The following GLIS3 variants were observed in gnomAD, a reference collection of about 807,000 sequenced individuals.
The protein encoded by GLIS3 is zinc finger protein GLIS3.
Under a neutral mutation model 78.6 loss-of-function variants are expected in GLIS3, and 53 were observed. That is an observed-to-expected ratio of 0.67 (90% CI 0.54 to 0.85). GLIS3 has a LOEUF of 0.85. Among genes scored for constraint, GLIS3 ranks in the 40% least tolerant of loss-of-function variants. The pLI is 0.00. For synonymous variants in GLIS3, 684 were observed against 509.9 expected, an observed-to-expected ratio of 1.34 and a Z score of -4.60; for missense variants, 1,703 against 1,231.1, an observed-to-expected ratio of 1.38 and a Z score of -5.74.
rs186030067 is a variant in GLIS3 at position 4,157,046 on chromosome 9, C to T, written c.389-31105G>A. 5.3e-5 allele frequency among the ~76,000 whole-genome samples: 8 copies of T among 152,300 alleles called. No individual in the cohort carries two copies. In the South Asian group the frequency reaches 6.2e-4, roughly 12 times the overall value. ...CTAACATCTGTCACAGTCCCTGTAA[C>T]GCTTCCATTAACATATATGATTACT... On this transcript the variant is annotated intron_variant, in intron 2 of 10. Transcript: ENST00000381971.
At chr9:4,457,003 G>C in the GLIS3 span, among the ~76,000 whole-genome samples, 2 of 152,086 alleles carry the variant, frequency 1.3e-5, no homozygotes, top group African/African-American at 4.8e-5. Flanking sequence ...AACACATGCT[G>C]TTAAAAAAAT....
intron 4 of GLIS3, among the ~76,000 whole-genome samples, chr9:4,087,902 C>T (rs1323790682): frequency 1.3e-5 from 2 of 152,170 alleles, no homozygotes; most frequent in Admixed American, 6.5e-5. Context: ...ACCTTGGTTA[C>T]CTCACTTCTA....
At chr9:4,104,949 G>C (rs547624917) in intron 4 of GLIS3, among the ~76,000 whole-genome samples, 3 of 152,298 alleles carry the variant, frequency 2.0e-5, no homozygotes, top group Admixed American at 6.5e-5. Context: ...AGTTGTTAGA[G>C]GCCTTGCTGT....
At chr9:4,450,289 GT>G in the GLIS3 span, among the ~76,000 whole-genome samples, 1 of 152,066 alleles carries the variant, frequency 6.6e-6, no homozygotes, top group Non-Finnish European at 1.5e-5. Context: ...GAGAGGAGAA[GT>G]TTAGAGAAAA....
intron 2 of GLIS3, among the ~76,000 whole-genome samples, chr9:4,134,712 C>G (rs1288361777): frequency 4.6e-5 from 7 of 152,138 alleles, no homozygotes; most frequent in Non-Finnish European, 7.4e-5. Flanking sequence ...CTTAGGTGTG[C>G]AAAATGGTAG....
Position 4,118,894 on chromosome 9 carries a change from C to A in GLIS3, c.597-13G>T, listed in dbSNP as rs1174109480. 20 of 1,599,258 alleles carry A rather than the reference C, an allele frequency of 1.3e-5. No homozygotes were observed. Among genetic ancestry groups the A allele is most frequent in the Non-Finnish European group, 1.6e-5 (19 of 1,179,510 alleles). On this transcript the variant is annotated splice_polypyrimidine_tract_variant and intron_variant, in intron 3 of 10. Coordinates refer to ENST00000381971, the MANE Select transcript of GLIS3 (RefSeq NM_001042413.2). This position sits in a 1 kb window ranked among gnomAD's most constrained non-coding sequence, Gnocchi z 4.7. Reference sequence around the variant, plus strand: ...CGAAATAAGGGACCTGGAACAGCAGCCAGAAAGGAAGAAAAAAAAAAGATA... The same window carrying A: ...CGAAATAAGGGACCTGGAACAGCAGACAGAAAGGAAGAAAAAAAAAAGATA...
chr9:4,059,604 G>A (rs1427591883), intron 4 of GLIS3, among the ~76,000 whole-genome samples: 1 of 152,176 alleles, frequency 6.6e-6, no homozygotes, highest in Non-Finnish European at 1.5e-5. Flanking sequence ...CCTGGAGACT[G>A]GTGCAGGGAT....
chr9:4,464,818 T>C, the GLIS3 span, among the ~76,000 whole-genome samples: 3,128 of 152,332 alleles, frequency 0.021, 99 homozygotes, highest in African/African-American at 0.071. Context: ...ATGCAGAATA[T>C]TGAAGCCAGG....
the GLIS3 span, among the ~76,000 whole-genome samples, chr9:4,404,226 ATAT>A: frequency 2.0e-5 from 3 of 152,216 alleles, no homozygotes; most frequent in South Asian, 4.1e-4. Flanking sequence ...TATAAAGCAA[ATAT>A]TATTAGAGCT....
chr9:4,460,905 T>C, the GLIS3 span, among the ~76,000 whole-genome samples: 1 of 152,182 alleles, frequency 6.6e-6, no homozygotes, highest in Admixed American at 6.5e-5. Context: ...TGTTTGGTAC[T>C]TAAGGAGGCT....
At chr9:4,199,971 A>C (rs894613543) in intron 2 of GLIS3, among the ~76,000 whole-genome samples, 1 of 152,246 alleles carries the variant, frequency 6.6e-6, no homozygotes, top group African/African-American at 2.4e-5. Context: ...CTTGGACCAC[A>C]GTGGAATAAA....
chr9:4,246,704 A>C (rs1823836317), intron 2 of GLIS3, among the ~76,000 whole-genome samples: 1 of 152,200 alleles, frequency 6.6e-6, no homozygotes, highest in African/African-American at 2.4e-5. Flanking sequence ...AGCTGGTCTC[A>C]TCCTTTACCT....
chr9:3,920,756 A>G (rs1184799183), intron 6 of GLIS3, among the ~76,000 whole-genome samples: 2 of 152,118 alleles, frequency 1.3e-5, no homozygotes, highest in Non-Finnish European at 2.9e-5. Context: ...CCTTTGCACT[A>G]TTATCTCAAA....
chr9:4,432,563 T>G, the GLIS3 span, among the ~76,000 whole-genome samples: 2 of 152,040 alleles, frequency 1.3e-5, no homozygotes, highest in African/African-American at 4.8e-5. Context: ...GTGAGAAGTA[T>G]ATACACAAGC....
intron 2 of GLIS3, among the ~76,000 whole-genome samples, chr9:4,207,895 G>C (rs1234735124): frequency 6.6e-6 from 1 of 152,084 alleles, no homozygotes; most frequent in Non-Finnish European, 1.5e-5. Flanking sequence ...TTCTAACTTC[G>C]CTTTCTTTAT....
intron 4 of GLIS3, among the ~76,000 whole-genome samples, chr9:3,958,197 G>C (rs1407672163): frequency 6.6e-6 from 1 of 152,060 alleles, no homozygotes; most frequent in Admixed American, 6.6e-5. Context: ...ACAATTCAGA[G>C]TTTTCATGAA....
At chr9:3,984,027 C>G (rs973027271) in intron 4 of GLIS3, among the ~76,000 whole-genome samples, 1 of 152,246 alleles carries the variant, frequency 6.6e-6, no homozygotes, top group Non-Finnish European at 1.5e-5. Context: ...TCACAGGCCC[C>G]GAGGCCTAGG....
the GLIS3 span, among the ~76,000 whole-genome samples, chr9:4,449,798 A>G: frequency 6.6e-6 from 1 of 152,208 alleles, no homozygotes; most frequent in Non-Finnish European, 1.5e-5. Flanking sequence ...GAATAGCATC[A>G]ACATCAACAA....
At position 4,001,107 on chromosome 9, in the gene GLIS3, C is replaced by A. The variant is rs567459844; in HGVS notation, c.1711-63918G>T. Among the ~76,000 whole-genome samples, 4 of 152,328 alleles carry A rather than the reference C, an allele frequency of 2.6e-5. No individual in the cohort carries two copies. In the East Asian group the frequency reaches 7.7e-4, roughly 29 times the overall value. ...AATTTACCACGAGTAAGCCCTACTT[C>A]CTACCCTCAAACAGCTTGCAATCTA... is the stretch of plus-strand genomic sequence containing the variant. On this transcript the variant is annotated intron_variant, in intron 4 of 10. Transcript: ENST00000381971.
Sources: allele counts gnomAD v4.1 joint callset (sites outside exome capture counted in the v4.1 genomes callset), GRCh38; gene constraint gnomAD v4.1.1; non-coding constraint Gnocchi (gnomAD v3.1); transcripts MANE v1.5; gene names NCBI Gene and HGNC (gene_info 2026-07-23, HGNC 2026-07-21).